PHGDH: variants seen among roughly 807,000 people sequenced by gnomAD.
PHGDH encodes phosphoglycerate dehydrogenase, also known as D-3-phosphoglycerate dehydrogenase.
A neutral mutation model predicts 52.6 loss-of-function variants in PHGDH; 50 were observed. The observed-to-expected ratio is 0.95, with a 90% confidence interval of 0.76 to 1.20. The LOEUF (loss-of-function observed/expected upper bound fraction) is 1.20, where lower values mean the gene tolerates loss of function less well. Ranked by LOEUF, PHGDH falls within the 50% of genes most tolerant of loss-of-function variation. PHGDH has a pLI of 0.00. For missense variants in PHGDH, 630 were observed against 684.6 expected, an observed-to-expected ratio of 0.92 and a Z score of 0.89; for synonymous variants, 271 against 280.5, an observed-to-expected ratio of 0.97 and a Z score of 0.34.
At chr1:119,729,998 C>T (rs587683688) in intron 5 of PHGDH, 2 of 152,322 alleles carry the variant, frequency 1.3e-5, no homozygotes, top group South Asian at 4.1e-4. Context: ...CCCACCTCAG[C>T]CCCTCCGGAG....
intron 3 of PHGDH, 128 bp from the exon 4 acceptor site, chr1:119,726,723 A>T: frequency 1.3e-6 from 1 of 771,052 alleles, no homozygotes; most frequent in African/African-American, 1.7e-5. Context: ...CCTAAACCTG[A>T]ACCCCCAGAC....
chr1:119,738,432 G>C (rs749628271), intron 8 of PHGDH, among the ~76,000 whole-genome samples: 14 of 152,242 alleles, frequency 9.2e-5, no homozygotes, highest in Non-Finnish European at 1.5e-4. Context: ...CCAGCAGCAT[G>C]CGAGGAGGTC....
intron 9 of PHGDH, 105 bp from the exon 10 acceptor site, chr1:119,741,662 G>A: frequency 2.9e-6 from 3 of 1,050,892 alleles, no homozygotes; most frequent in South Asian, 1.3e-5. Context: ...GGGTCCCCAG[G>A]GCAGCGAGGA....
chr1:119,737,090 T>A (rs747951970), intron 7 of PHGDH, 24 bp from the exon 8 acceptor site: 1 of 1,613,452 alleles, frequency 6.2e-7, no homozygotes, highest in South Asian at 1.1e-5. Context: ...GGCAGCCAAC[T>A]TAGAGGTATC....
In PHGDH at chr1:119,740,468, T is replaced by A; in HGVS notation, c.1028T>A (p.Met343Lys). The A allele has an allele frequency of 6.2e-7, 1 of 1,606,782 alleles. No homozygotes were observed. The change falls in exon 9 of 12, where the codon ATG becomes AAG. Residue 343 changes from methionine to lysine, a missense_variant. By Grantham distance (95) the Met-to-Lys change is moderately conservative. Coordinates refer to ENST00000641023, the MANE Select transcript of PHGDH (RefSeq NM_006623.4). ...IGLAEALGTL[M>K]RAWAGSPKGT... Reference sequence around the variant, plus strand: ...CTGGCAGAAGCTCTGGGGACACTGATGCGAGCCTGGGCTGGGTCCCCCAAA... The same window carrying A: ...CTGGCAGAAGCTCTGGGGACACTGAAGCGAGCCTGGGCTGGGTCCCCCAAA...
At chr1:119,713,910 C>G (rs1448773367) in intron 1 of PHGDH, among the ~76,000 whole-genome samples, 1 of 152,068 alleles carries the variant, frequency 6.6e-6, no homozygotes, top group Non-Finnish European at 1.5e-5. Context: ...AGGCCTCATC[C>G]ATAATGAGGG....
chr1:119,743,013 C>T lies in PHGDH; in HGVS notation c.1416C>T (p.Thr472=), dbSNP rs1652285057. The change falls in exon 11 of 12, where the codon ACC becomes ACT. Residue 472 remains threonine (T), a synonymous_variant. Transcript: ENST00000641023. ...DLPLLLFRTQ[T]SDPAMLPTMI... ...CCCTGCTCCTATTCCGGACTCAGAC[C>T]TCTGACCCTGCAATGCTGCCTACCA... 1 of 1,613,090 alleles carries T rather than the reference C, an allele frequency of 6.2e-7. No homozygotes were observed. Among genetic ancestry groups the T allele is most frequent in the African/African-American group, 1.3e-5 (1 of 74,932 alleles).
intron 1 of PHGDH, among the ~76,000 whole-genome samples, chr1:119,715,494 C>G (rs1360123176): frequency 6.6e-6 from 1 of 152,178 alleles, no homozygotes; most frequent in Admixed American, 6.5e-5. Context: ...CCTGCCTTCC[C>G]TATAGCTGGG....
chr1:119,738,065 G>A (rs1652023176), intron 8 of PHGDH, among the ~76,000 whole-genome samples: 1 of 146,088 alleles, frequency 6.8e-6, no homozygotes, highest in Non-Finnish European at 1.5e-5. Flanking sequence ...GTTCCATGGG[G>A]TGTTTTTTTT....
chr1:119,721,193 C>T lies in PHGDH; in HGVS notation c.162C>T (p.Arg54=), dbSNP rs754900737. The stretch of plus-strand genomic sequence containing the variant: ...AGGACTGTGAAGGCCTTATTGTTCG[C>T]TCTGCCACCAAGGTGACCGCTGATG... ...ELQDCEGLIV[R]SATKVTADVI... Residue 54 remains arginine (R), a synonymous_variant, in exon 2 of 12, where the codon CGC becomes CGT. Coordinates refer to ENST00000641023, the MANE Select transcript of PHGDH (RefSeq NM_006623.4). The T allele has an allele frequency of 1.2e-6, 2 of 1,614,060 alleles. No individual in the cohort carries two copies. Among genetic ancestry groups the T allele is most frequent in the African/African-American group, 2.7e-5 (2 of 74,926 alleles).
chr1:119,721,424 T>A (rs1265250745), intron 2 of PHGDH, 103 bp downstream of exon 2: 7 of 1,154,118 alleles, frequency 6.1e-6, no homozygotes, highest in Non-Finnish European at 7.5e-6. Flanking sequence ...CTGAGTCCAT[T>A]GGAAGGGCTT....
chr1:119,740,458 G>T lies in PHGDH; in HGVS notation c.1018G>T (p.Gly340Trp). Reference sequence around the variant, plus strand: ...TTGGATTGGTCTGGCAGAAGCTCTGGGGACACTGATGCGAGCCTGGGCTGG... The same window carrying T: ...TTGGATTGGTCTGGCAGAAGCTCTGTGGACACTGATGCGAGCCTGGGCTGG... Reference protein sequence around the residue: ...KPWIGLAEALGTLMRAWAGSP... With the variant: ...KPWIGLAEALWTLMRAWAGSP... The change falls in exon 9 of 12, where the codon GGG becomes TGG. Residue 340 changes from glycine (G) to tryptophan (W), a missense_variant. Transcript: ENST00000641023. 6.2e-7 allele frequency: 1 copy of T among 1,611,550 alleles called. No individual in the cohort carries two copies.
At chr1:119,725,266 G>A (rs1651354805) in intron 3 of PHGDH, among the ~76,000 whole-genome samples, 1 of 152,178 alleles carries the variant, frequency 6.6e-6, no homozygotes, top group African/African-American at 2.4e-5. Context: ...ATTGAAACCT[G>A]GAGAGGCTCC....
At chr1:119,732,659 T>C (rs1275452297) in intron 5 of PHGDH, among the ~76,000 whole-genome samples, 1 of 152,202 alleles carries the variant, frequency 6.6e-6, no homozygotes, top group Non-Finnish European at 1.5e-5. Context: ...CCTGCAGTCA[T>C]CTGCAGATAA....
chr1:119,717,543 C>G (rs1228733707), intron 1 of PHGDH, among the ~76,000 whole-genome samples: 1 of 152,074 alleles, frequency 6.6e-6, no homozygotes, highest in Non-Finnish European at 1.5e-5. Context: ...TTCTTTAATT[C>G]ATCTGGATTT....
At position 119,712,127 on chromosome 1, in the gene PHGDH, C is replaced by T. The variant is rs756796275; in HGVS notation, c.105C>T (p.Asn35=). 3 of 1,614,098 alleles carry T rather than the reference C, an allele frequency of 1.9e-6. No individual in the cohort carries two copies. ...GGCTGCAGGTGGTGGAAAAGCAGAACCTTAGCAAAGAGGAGCTGATAGCGG... is the reference window on the plus strand; with the variant it reads ...GGCTGCAGGTGGTGGAAAAGCAGAATCTTAGCAAAGAGGAGCTGATAGCGG... ...DGGLQVVEKQ[N]LSKEELIAEL... The change falls in exon 1 of 12, where the codon AAC becomes AAT. Residue 35 remains asparagine (N), a synonymous_variant. Transcript: ENST00000641023.
At chr1:119,724,311 C>T (rs905644396) in intron 3 of PHGDH, 2 of 177,874 alleles carry the variant, frequency 1.1e-5, no homozygotes, top group Non-Finnish European at 2.4e-5. Flanking sequence ...CCTTGTTTCT[C>T]TACTCAGGCC....
chr1:119,727,488 A>G (rs190263184), intron 5 of PHGDH: 1 of 319,886 alleles, frequency 3.1e-6, no homozygotes, highest in Admixed American at 4.5e-5. Flanking sequence ...TGCAGAGTAG[A>G]CAGTACACCT....
chr1:119,731,857 G>A (rs1055510556), intron 5 of PHGDH, among the ~76,000 whole-genome samples: 2 of 152,158 alleles, frequency 1.3e-5, no homozygotes, highest in Non-Finnish European at 2.9e-5. Context: ...AGGATGGGCA[G>A]CTCCTATCTC....
Sources: allele counts gnomAD v4.1 joint callset (sites outside exome capture counted in the v4.1 genomes callset), GRCh38; gene constraint gnomAD v4.1.1; transcripts MANE v1.5; gene names NCBI Gene and HGNC (gene_info 2026-07-23, HGNC 2026-07-21).